Variants in PHLDB2 observed in about 807,000 individuals in gnomAD.
PHLDB2 encodes pleckstrin homology like domain family B member 2.
A neutral mutation model predicts 123.6 loss-of-function variants in PHLDB2; 71 were observed. That is an observed-to-expected ratio of 0.57 (90% CI 0.47 to 0.70). The LOEUF (loss-of-function observed/expected upper bound fraction) is 0.70, where lower values mean the gene tolerates loss of function less well. Among genes scored for constraint, PHLDB2 ranks in the 30% least tolerant of loss-of-function variants. PHLDB2 has a pLI of 0.00. For missense variants in PHLDB2, 1,446 were observed against 1,519.5 expected (o/e 0.95, Z 0.80); for synonymous variants, 547 against 541.6 (o/e 1.01, Z -0.14).
chr3:111,882,220 A>T (rs1237305648), intron 1 of PHLDB2, among the ~76,000 whole-genome samples: 1 of 152,150 alleles, frequency 6.6e-6, no homozygotes, highest in African/African-American at 2.4e-5. Flanking sequence ...TGTCCTCAGG[A>T]TCCATCTATT....
intron 1 of PHLDB2, among the ~76,000 whole-genome samples, chr3:111,883,311 C>A (rs1281509817): frequency 6.6e-6 from 1 of 152,132 alleles, no homozygotes; most frequent in Non-Finnish European, 1.5e-5. Flanking sequence ...GGAAGAGTGA[C>A]TAGGTCCTGA....
At chr3:111,885,853 A>G (rs2107338668) in intron 2 of PHLDB2, 1 of 508,664 alleles carries the variant, frequency 2.0e-6, no homozygotes, top group South Asian at 2.6e-5. Flanking sequence ...ATTTGTCTTT[A>G]TAGCAAGTTG....
At chr3:111,949,333 G>A (rs956753337) in intron 10 of PHLDB2, among the ~76,000 whole-genome samples, 12 of 134,276 alleles carry the variant, frequency 8.9e-5, no homozygotes, top group Non-Finnish European at 1.9e-4. Context: ...TATGTTCTAT[G>A]TCTTAGCACT....
chr3:111,787,432 A>T (rs1319720832), intron 1 of PHLDB2, among the ~76,000 whole-genome samples: 5 of 152,076 alleles, frequency 3.3e-5, no homozygotes. Context: ...ATTTTTTTGC[A>T]CTTGGGTTTC....
chr3:111,762,856 A>G (rs1166105471), intron 1 of PHLDB2, among the ~76,000 whole-genome samples: 3 of 152,196 alleles, frequency 2.0e-5, no homozygotes, highest in Non-Finnish European at 4.4e-5. Context: ...AGATTCATAA[A>G]CATTGCAGAC....
chr3:111,767,028 C>G (rs2060094614), intron 1 of PHLDB2, among the ~76,000 whole-genome samples: 1 of 25,226 alleles, frequency 4.0e-5, no homozygotes, highest in Non-Finnish European at 7.1e-5. Context: ...CTGACTTCAT[C>G]TCAAAAAAAA....
chr3:111,817,420 A>G (rs2062135685), intron 1 of PHLDB2, among the ~76,000 whole-genome samples: 1 of 152,194 alleles, frequency 6.6e-6, no homozygotes, highest in African/African-American at 2.4e-5. Context: ...AGCTGACTTA[A>G]AGGTATAAAG....
intron 1 of PHLDB2, among the ~76,000 whole-genome samples, chr3:111,822,496 G>C (rs1403902905): frequency 6.6e-6 from 1 of 152,120 alleles, no homozygotes; most frequent in Non-Finnish European, 1.5e-5. Context: ...AGCCTCAACT[G>C]TCAGAATTGA....
chr3:111,831,868 T>C (rs2063053939), intron 1 of PHLDB2, among the ~76,000 whole-genome samples: 1 of 152,176 alleles, frequency 6.6e-6, no homozygotes, highest in Admixed American at 6.5e-5. Flanking sequence ...CTGCCTCTCC[T>C]ATTATGTTGA....
upstream of PHLDB2, chr3:111,859,219 C>T: frequency 1.0e-6 from 1 of 985,414 alleles, no homozygotes; most frequent in Non-Finnish European, 1.2e-6. Flanking sequence ...GTAAACCCTC[C>T]CGCCCTTCTT....
intron 12 of PHLDB2, chr3:111,957,950 C>T (rs912271478): frequency 6.6e-6 from 1 of 152,118 alleles, no homozygotes; most frequent in African/African-American, 2.4e-5. Flanking sequence ...TTTATTCTTC[C>T]TATTTTCTGG....
intron 1 of PHLDB2, chr3:111,845,795 T>C: frequency 6.2e-7 from 1 of 1,611,774 alleles, no homozygotes. Context: ...CCAATCATGG[T>C]ACCTCTCTTT....
intron 2 of PHLDB2, among the ~76,000 whole-genome samples, chr3:111,900,586 G>T (rs909692842): frequency 1.3e-5 from 2 of 152,146 alleles, no homozygotes; most frequent in African/African-American, 4.8e-5. Flanking sequence ...ATGGTTTGTG[G>T]TGTCCAAAAC....
At chr3:111,847,477 C>G (rs1440990532) in intron 2 of PHLDB2, among the ~76,000 whole-genome samples, 1 of 152,116 alleles carries the variant, frequency 6.6e-6, no homozygotes, top group Non-Finnish European at 1.5e-5. Context: ...TTCCAATATC[C>G]TCCCATCCCA....
chr3:111,966,285 G>A (rs2071748495), intron 13 of PHLDB2, among the ~76,000 whole-genome samples: 2 of 152,150 alleles, frequency 1.3e-5, no homozygotes, highest in Non-Finnish European at 2.9e-5. Flanking sequence ...GCATTTAGAA[G>A]TCACACTTTG....
intron 1 of PHLDB2, among the ~76,000 whole-genome samples, chr3:111,810,255 G>C (rs538883288): frequency 3.3e-5 from 5 of 152,128 alleles, no homozygotes; most frequent in Non-Finnish European, 7.3e-5. Flanking sequence ...GCCTATCTGG[G>C]ACCATATTAC....
intron 10 of PHLDB2, chr3:111,949,638 A>G: frequency 3.6e-6 from 3 of 835,008 alleles, no homozygotes; most frequent in Non-Finnish European, 4.3e-6. Flanking sequence ...TATCAATTTC[A>G]TTTCTATGTC....
Position 111,962,095 on chromosome 3 carries a change from G to T in PHLDB2, c.2873-13G>T. The T allele has an allele frequency of 1.9e-6, 3 of 1,573,182 alleles. No homozygotes were observed. Among genetic ancestry groups the T allele is most frequent in the Non-Finnish European group, 2.6e-6 (3 of 1,168,128 alleles). On this transcript the variant is annotated splice_polypyrimidine_tract_variant and intron_variant, in intron 12 of 17. Coordinates refer to ENST00000431670, the MANE Select transcript of PHLDB2 (RefSeq NM_001134438.2). ...AATGAGGCAAACTAACATATTTATG[G>T]CTCCTTCCTTAGGTTATAATCACCA...
chr3:111,966,761 C>T lies in PHLDB2; in HGVS notation c.3168+58C>T. 2.9e-6 allele frequency: 4 copies of T among 1,374,454 alleles called. No homozygotes were observed. The South Asian group carries it at 4.8e-5, about 17-fold the overall frequency. The allele number at this position is 1,374,454 out of a possible 1,614,324, so 85.1% of individuals were successfully genotyped here. A position where few individuals can be genotyped will look rare whatever the true frequency, so the allele number is the denominator to read the frequency against. On this transcript the variant is annotated intron_variant, in intron 14 of 17. Transcript: ENST00000431670. Reference sequence around the variant, plus strand: ...GATACCGTGGTGCAGGAGCCCTGCGCTTGGCATCAGACAATACTCCTCCTT... The same window carrying T: ...GATACCGTGGTGCAGGAGCCCTGCGTTTGGCATCAGACAATACTCCTCCTT...
Sources: allele counts gnomAD v4.1 joint callset (sites outside exome capture counted in the v4.1 genomes callset), GRCh38; gene constraint gnomAD v4.1.1; transcripts MANE v1.5; gene names NCBI Gene and HGNC (gene_info 2026-07-23, HGNC 2026-07-21).